The following FBL variants were observed in gnomAD, a reference collection of about 807,000 sequenced individuals.
FBL encodes fibrillarin rRNA 2'-O-methyltransferase.
In FBL, 10 loss-of-function variants were observed where a neutral mutation model predicts 42.2. That is an observed-to-expected ratio of 0.24 (90% CI 0.15 to 0.40). The LOEUF (loss-of-function observed/expected upper bound fraction) is 0.40, where lower values mean the gene tolerates loss of function less well. Ranked by LOEUF, FBL falls within the 10% of genes least tolerant of loss-of-function variation. The pLI is 1.00. For synonymous variants in FBL, 165 were observed against 165.4 expected (o/e 1.00, Z 0.02); for missense variants, 351 against 439.2 (o/e 0.80, Z 1.79).
At chr19:39,844,839 G>T (rs574183256) in intron 1 of FBL, among the ~76,000 whole-genome samples, 2 of 152,296 alleles carry the variant, frequency 1.3e-5, no homozygotes, top group African/African-American at 4.8e-5. Context: ...CTCCCAAAGG[G>T]TTCTTTTCTC....
intron 1 of FBL, among the ~76,000 whole-genome samples, chr19:39,845,028 C>G (rs1969233961): frequency 6.6e-6 from 1 of 152,168 alleles, no homozygotes; most frequent in Admixed American, 6.5e-5. Flanking sequence ...TCCCCCACCC[C>G]ACTTCATCAA....
At chr19:39,844,430 A>G (rs1785267569) in intron 1 of FBL, among the ~76,000 whole-genome samples, 1 of 152,102 alleles carries the variant, frequency 6.6e-6, no homozygotes, top group Non-Finnish European at 1.5e-5. Flanking sequence ...TCCTCAGAAA[A>G]AACACATGTT....
chr19:39,840,610 ATCT>A lies in FBL; in HGVS notation c.181+4_181+6del, dbSNP rs753059731. 301 of 1,612,884 alleles carry A rather than the reference ATCT, an allele frequency of 1.9e-4. No homozygotes were observed. The highest frequency in any genetic ancestry group is 2.4e-4 in the Non-Finnish European group (279 of 1,179,630). ...AGGCCTCCTCTGTAACCCCTAGCCA[ATCT>A]TACCACCTCTTCCTCCTCCTCCACC... is the stretch of plus-strand genomic sequence containing the variant. On this transcript the variant is annotated splice_donor_5th_base_variant and intron_variant, in intron 2 of 8. Transcript: ENST00000221801. The surrounding 1 kb of genome is among the most constrained non-coding windows in gnomAD (Gnocchi z 4.5).
intron 5 of FBL, 146 bp from the exon 6 acceptor site, chr19:39,837,989 T>C: frequency 4.9e-6 from 3 of 614,462 alleles, no homozygotes; most frequent in Non-Finnish European, 5.4e-6. Flanking sequence ...CATGTCCATT[T>C]TTCACATGAA....
chr19:39,837,604 G>A, intron 6 of FBL, 107 bp downstream of exon 6: 3 of 1,011,418 alleles, frequency 3.0e-6, no homozygotes, highest in Non-Finnish European at 4.3e-6. Context: ...GACTCAAGAG[G>A]TCTGCTCATC....
Position 39,840,905 on chromosome 19 carries a change from A to G in FBL, c.11-118T>C. ...AATACATGTGCCCGTGTACAGCAGGACACATTTCCAAGAATGTCCACAGCA... is the reference window on the plus strand; with the variant it reads ...AATACATGTGCCCGTGTACAGCAGGGCACATTTCCAAGAATGTCCACAGCA... On this transcript the variant is annotated intron_variant, in intron 1 of 8. Coordinates refer to ENST00000221801, the MANE Select transcript of FBL (RefSeq NM_001436.4). The surrounding 1 kb of genome is among the most constrained non-coding windows in gnomAD (Gnocchi z 4.5). The G allele has an allele frequency of 1.0e-6, 1 of 964,990 alleles. No homozygotes were observed. Among genetic ancestry groups the G allele is most frequent in the Non-Finnish European group, 1.5e-6 (1 of 683,978 alleles). 59.8% of individuals were successfully genotyped at this position (964,990 alleles called of 1,614,324 possible). A position where few individuals can be genotyped will look rare whatever the true frequency, so the allele number is the denominator to read the frequency against.
At position 39,840,547 on chromosome 19, in the gene FBL, A is replaced by G. The variant is rs1248786736; in HGVS notation, c.182-32T>C. ...AGGAGAGGTACAACAGGAGAGAAAG[A>G]TCCTGAATCTCCGCCCTCCCCACTC... On this transcript the variant is annotated intron_variant, in intron 2 of 8. Coordinates refer to ENST00000221801, the MANE Select transcript of FBL (RefSeq NM_001436.4). This position sits in a 1 kb window ranked among gnomAD's most constrained non-coding sequence, Gnocchi z 4.5. The G allele has an allele frequency of 6.2e-7, 1 of 1,613,318 alleles. No homozygotes were observed. Among genetic ancestry groups the G allele is most frequent in the Non-Finnish European group, 8.5e-7 (1 of 1,179,428 alleles).
chr19:39,843,681 G>T (rs937851829), intron 1 of FBL, among the ~76,000 whole-genome samples: 5 of 152,204 alleles, frequency 3.3e-5, no homozygotes, highest in Non-Finnish European at 7.3e-5. Flanking sequence ...TGAGGCACAA[G>T]CATCAATTGA....
rs1364327081 is a variant in FBL, at chr19:39,837,714, T to C, written c.679A>G (p.Ile227Val). 1.8e-5 allele frequency: 29 copies of C among 1,570,594 alleles called. No homozygotes were observed. Among genetic ancestry groups the C allele is most frequent in the Non-Finnish European group, 2.3e-5 (27 of 1,160,494 alleles). ...GGGCCACCCCCAGACCCCTCACCGA[T>C]GAGCATGCGGTATTTGTGTGGGTGT... ...ARHPHKYRML[I>V]AMVDVIFADV... The change falls in exon 6 of 9, where the codon ATC (isoleucine) becomes GTC (valine). Residue 227 changes from isoleucine to valine, a missense_variant. Transcript: ENST00000221801.
intron 7 of FBL, among the ~76,000 whole-genome samples, 167 bp downstream of exon 7, chr19:39,836,389 A>G (rs1004275432): frequency 1.3e-5 from 2 of 152,144 alleles, no homozygotes; most frequent in Non-Finnish European, 2.9e-5. Context: ...AGATGGTCAG[A>G]CTCAATTTTG....
At chr19:39,845,144 G>C (rs1181523300) in intron 1 of FBL, among the ~76,000 whole-genome samples, 1 of 151,988 alleles carries the variant, frequency 6.6e-6, no homozygotes, top group Admixed American at 6.6e-5. Flanking sequence ...ACACACAAAA[G>C]AAAAAGAAAG....
At position 39,840,587 on chromosome 19, in the gene FBL, G is replaced by A. The variant is rs1436688636; in HGVS notation, c.181+30C>T. On this transcript the variant is annotated intron_variant, in intron 2 of 8. Coordinates refer to ENST00000221801, the MANE Select transcript of FBL (RefSeq NM_001436.4). This position sits in a 1 kb window ranked among gnomAD's most constrained non-coding sequence, Gnocchi z 4.5. ...CCTCCCCACTCCCCACCTCAGGAAG[G>A]CCTCCTCTGTAACCCCTAGCCAATC... The A allele has an allele frequency of 1.2e-6, 2 of 1,612,726 alleles. No individual in the cohort carries two copies. The highest frequency in any genetic ancestry group is 3.3e-5 in the Admixed American group (2 of 59,984).
intron 1 of FBL, 71 bp downstream of exon 1, chr19:39,846,220 C>T: frequency 1.3e-6 from 2 of 1,590,664 alleles, no homozygotes; most frequent in Non-Finnish European, 1.7e-6. Flanking sequence ...CCCACCCCTC[C>T]GATTCTGGCC....
chr19:39,841,906 C>T (rs1440408104), intron 1 of FBL, among the ~76,000 whole-genome samples: 2 of 152,188 alleles, frequency 1.3e-5, no homozygotes, highest in Non-Finnish European at 2.9e-5. Context: ...ACAACAAACA[C>T]CATTAGCACA....
rs1969130057 is a variant in FBL, at chr19:39,840,121, T to A, written c.378+112A>T. ...GGAGCAGACAGTGTGGTTTACATAT[T>A]ATGACAATCCTCCAGCTGTCACGTG... On this transcript the variant is annotated intron_variant, in intron 4 of 8. Transcript: ENST00000221801. The surrounding 1 kb of genome is among the most constrained non-coding windows in gnomAD (Gnocchi z 4.5). 1 of 766,114 alleles carries A rather than the reference T, an allele frequency of 1.3e-6. No homozygotes were observed. Among genetic ancestry groups the A allele is most frequent in the African/African-American group, 1.7e-5 (1 of 58,304 alleles). 47.5% of individuals were successfully genotyped at this position (766,114 alleles called of 1,614,324 possible). A position where few individuals can be genotyped will look rare whatever the true frequency, so the allele number is the denominator to read the frequency against.
At chr19:39,839,239 G>T (rs373990101) in intron 4 of FBL, 34 bp from the exon 5 acceptor site, 462 of 1,565,266 alleles carry the variant, frequency 3.0e-4, no homozygotes, top group Admixed American at 1.3e-3. Context: ...GTCAGTGCTA[G>T]GCTCTTCTGC....
At position 39,840,853 on chromosome 19, in the gene FBL, G is replaced by T; in HGVS notation, c.11-66C>A. The stretch of plus-strand genomic sequence containing the variant: ...AAAAGGTTAAACCACCTTGTACCCA[G>T]CAATACCTCTCAGGTGAGAAACCTG... On this transcript the variant is annotated intron_variant, in intron 1 of 8. Transcript: ENST00000221801. The surrounding 1 kb of genome is among the most constrained non-coding windows in gnomAD (Gnocchi z 4.5). 1 of 1,407,246 alleles carries T rather than the reference G, an allele frequency of 7.1e-7. No individual in the cohort carries two copies. The highest frequency in any genetic ancestry group is 9.5e-7 in the Non-Finnish European group (1 of 1,057,094). The allele number at this position is 1,407,246 out of a possible 1,614,324, so 87.2% of individuals were successfully genotyped here.
intron 8 of FBL, 34 bp downstream of exon 8, chr19:39,834,634 G>A: frequency 1.2e-6 from 2 of 1,613,866 alleles, no homozygotes; most frequent in Non-Finnish European, 1.7e-6. Flanking sequence ...GGACAGAGAT[G>A]TCTGTCTTGG....
chr19:39,842,995 G>A (rs1361702557), intron 1 of FBL, among the ~76,000 whole-genome samples: 2 of 152,086 alleles, frequency 1.3e-5, no homozygotes, highest in Non-Finnish European at 2.9e-5. Flanking sequence ...TGGCTCACTC[G>A]CTCCTTCACT....
Sources: allele counts gnomAD v4.1 joint callset (sites outside exome capture counted in the v4.1 genomes callset), GRCh38; gene constraint gnomAD v4.1.1; non-coding constraint Gnocchi (gnomAD v3.1); transcripts MANE v1.5; gene names NCBI Gene and HGNC (gene_info 2026-07-23, HGNC 2026-07-21).